Variants in ATP9B observed in about 807,000 individuals in gnomAD.
ATP9B encodes the protein ATPase phospholipid transporting 9B, also known as probable phospholipid-transporting ATPase IIB.
ATP9B carries 110 observed loss-of-function variants against 146.1 expected under a neutral mutation model. The observed-to-expected ratio is 0.75, with a 90% CI of 0.65 to 0.88. The LOEUF (loss-of-function observed/expected upper bound fraction) is 0.88. Ranked by LOEUF, ATP9B falls within the 40% of genes least tolerant of loss-of-function variation. The pLI, the probability that ATP9B is intolerant of heterozygous loss-of-function variation, is 0.00. For synonymous variants in ATP9B, 604 were observed against 569.7 expected (o/e 1.06, Z -0.86); for missense variants, 1,499 against 1,496.4 (o/e 1.00, Z -0.03).
intron 12 of ATP9B, among the ~76,000 whole-genome samples, chr18:79,270,833 G>A (rs945616587): frequency 6.6e-6 from 1 of 152,196 alleles, no homozygotes; most frequent in African/African-American, 2.4e-5. Context: ...TGTCCCCAGA[G>A]TTCAGGCACA....
chr18:79,294,813 C>T (rs1484838815), intron 13 of ATP9B, among the ~76,000 whole-genome samples: 1 of 152,064 alleles, frequency 6.6e-6, no homozygotes, highest in Non-Finnish European at 1.5e-5. Flanking sequence ...TCAGCAGCGC[C>T]AAGAGGAGTG....
chr18:79,259,699 C>T (rs552727166), intron 12 of ATP9B, among the ~76,000 whole-genome samples: 8 of 152,136 alleles, frequency 5.3e-5, no homozygotes, highest in Non-Finnish European at 8.8e-5. Flanking sequence ...GTCAGCACAC[C>T]CCCAGATGGA....
chr18:79,101,090 C>CT (rs888466191), intron 2 of ATP9B, among the ~76,000 whole-genome samples: 1 of 151,536 alleles, frequency 6.6e-6, no homozygotes, highest in African/African-American at 2.4e-5. Context: ...AACCAGGACA[C>CT]TTACCTTGGC....
intron 13 of ATP9B, among the ~76,000 whole-genome samples, chr18:79,297,230 G>A (rs756850238): frequency 7.1e-6 from 1 of 141,788 alleles, no homozygotes; most frequent in Non-Finnish European, 1.5e-5. Flanking sequence ...ACAGAGAGAT[G>A]ACCCAGAGAG....
At chr18:79,327,466 T>G (rs1450153357) in intron 15 of ATP9B, among the ~76,000 whole-genome samples, 1 of 151,578 alleles carries the variant, frequency 6.6e-6, no homozygotes, top group East Asian at 1.9e-4. Context: ...ATGGTTAGCG[T>G]GTTCTCCGTG....
intron 9 of ATP9B, among the ~76,000 whole-genome samples, chr18:79,206,220 G>A (rs887605768): frequency 6.6e-5 from 10 of 152,284 alleles, no homozygotes; most frequent in South Asian, 2.1e-4. Context: ...GATTACAGGC[G>A]TGAGCCACCG....
intron 13 of ATP9B, among the ~76,000 whole-genome samples, chr18:79,301,714 A>G (rs1476038712): frequency 6.6e-6 from 1 of 152,244 alleles, no homozygotes; most frequent in Non-Finnish European, 1.5e-5. Context: ...TTTTCAAGGT[A>G]TACAGAGCAC....
At chr18:79,192,946 C>T (rs1451388140) in intron 8 of ATP9B, among the ~76,000 whole-genome samples, 1 of 152,126 alleles carries the variant, frequency 6.6e-6, no homozygotes, top group African/African-American at 2.4e-5. Flanking sequence ...TTTTGAGTGT[C>T]TCCTGCATGA....
At chr18:79,264,391 T>C (rs115799289) in intron 12 of ATP9B, among the ~76,000 whole-genome samples, 2,375 of 152,338 alleles carry the variant, frequency 0.016, 68 homozygotes, top group African/African-American at 0.055. Flanking sequence ...TCTGAGCAGC[T>C]TGCAGTTATT....
At chr18:79,203,407 C>G (rs2095506392) in intron 9 of ATP9B, among the ~76,000 whole-genome samples, 1 of 152,190 alleles carries the variant, frequency 6.6e-6, no homozygotes, top group Non-Finnish European at 1.5e-5. Context: ...CCTGGAGGAG[C>G]AAGTACCTGA....
chr18:79,155,748 T>C (rs982395713), intron 7 of ATP9B, among the ~76,000 whole-genome samples: 3 of 142,568 alleles, frequency 2.1e-5, no homozygotes, highest in Admixed American at 7.2e-5. Context: ...AAACATGTTT[T>C]CTCTCTTTTT....
chr18:79,233,651 A>G (rs2095812800), intron 11 of ATP9B, among the ~76,000 whole-genome samples: 1 of 152,180 alleles, frequency 6.6e-6, no homozygotes, highest in African/African-American at 2.4e-5. Flanking sequence ...ATGTTGATGA[A>G]CAGGAGGAAT....
At chr18:79,308,760 C>T (rs200974228) in intron 15 of ATP9B, among the ~76,000 whole-genome samples, 6 of 89,944 alleles carry the variant, frequency 6.7e-5, no homozygotes, top group South Asian at 5.2e-4. Flanking sequence ...GGAGTGATCC[C>T]CAGCAGGTAG....
intron 13 of ATP9B, among the ~76,000 whole-genome samples, chr18:79,289,514 G>T (rs1017688105): frequency 6.6e-5 from 10 of 152,032 alleles, no homozygotes; most frequent in Non-Finnish European, 1.5e-5. Context: ...TTATACATTC[G>T]TCTAAATTTT....
chr18:79,103,567 G>A (rs1350792559), intron 2 of ATP9B, among the ~76,000 whole-genome samples: 1 of 152,126 alleles, frequency 6.6e-6, no homozygotes. Flanking sequence ...AAAACTAGGG[G>A]AGGAAGAATG....
At chr18:79,240,178 A>G (rs774074796) in intron 11 of ATP9B, among the ~76,000 whole-genome samples, 1 of 152,226 alleles carries the variant, frequency 6.6e-6, no homozygotes, top group African/African-American at 2.4e-5. Context: ...TTAAGGGCCT[A>G]CTGCCTTGGT....
chr18:79,346,241 GCA>G (rs1407349695), intron 23 of ATP9B, among the ~76,000 whole-genome samples: 3 of 149,534 alleles, frequency 2.0e-5, no homozygotes, highest in South Asian at 2.1e-4. Context: ...TGTGCTCAGC[GCA>G]CAGTCAGCAC....
At chr18:79,088,566 T>C (rs1161240031) in intron 1 of ATP9B, among the ~76,000 whole-genome samples, 2 of 152,332 alleles carry the variant, frequency 1.3e-5, no homozygotes, top group East Asian at 1.9e-4. Context: ...TATAAAAGAT[T>C]ATCTGGAGAC....
intron 26 of ATP9B, among the ~76,000 whole-genome samples, chr18:79,370,538 T>TGAGTAACG (rs1424927851): frequency 6.6e-6 from 1 of 152,346 alleles, no homozygotes; most frequent in East Asian, 1.9e-4. Context: ...ATTGCTTCTA[T>TGAGTAACG]GAGTAACGTG....
Sources: allele counts gnomAD v4.1 joint callset (sites outside exome capture counted in the v4.1 genomes callset), GRCh38; gene constraint gnomAD v4.1.1; transcripts MANE v1.5; gene names NCBI Gene and HGNC (gene_info 2026-07-23, HGNC 2026-07-21).